Variants in EIF4E observed in about 807,000 individuals in gnomAD.
The protein encoded by EIF4E is eukaryotic translation initiation factor 4E.
For synonymous variants in EIF4E, 71 were observed against 88.5 expected (o/e 0.80, Z 1.11); for missense variants, 113 against 265.6 (o/e 0.43, Z 3.99).
At chr4:98,883,265 C>G (rs557972936) in intron 6 of EIF4E, among the ~76,000 whole-genome samples, 135 of 151,956 alleles carry the variant, frequency 8.9e-4, no homozygotes, top group African/African-American at 2.9e-3. Context: ...GAGTGTGACT[C>G]TGTCTCAAAA....
chr4:98,917,505 T>C (rs1406700809), intron 1 of EIF4E, among the ~76,000 whole-genome samples: 5 of 152,174 alleles, frequency 3.3e-5, no homozygotes, highest in African/African-American at 1.2e-4. Context: ...GTTCAGATTA[T>C]CATTTTTATG....
At chr4:98,900,374 C>G (rs1724595108) in intron 2 of EIF4E, among the ~76,000 whole-genome samples, 1 of 151,932 alleles carries the variant, frequency 6.6e-6, no homozygotes, top group Admixed American at 6.6e-5. Context: ...ATATACTGAA[C>G]CAAAGGGTCT....
chr4:98,912,181 G>C (rs1355157732), intron 1 of EIF4E, among the ~76,000 whole-genome samples: 1 of 150,312 alleles, frequency 6.7e-6, no homozygotes, highest in Non-Finnish European at 1.5e-5. Flanking sequence ...GAACCCGGGA[G>C]AGGGAAACTG....
chr4:98,895,502 G>A (rs1172567674), intron 2 of EIF4E: 1 of 152,138 alleles, frequency 6.6e-6, no homozygotes, highest in Non-Finnish European at 1.5e-5. Flanking sequence ...AATGTTGTCT[G>A]AAGAGCCTTC....
intron 1 of EIF4E, among the ~76,000 whole-genome samples, chr4:98,910,599 C>T (rs1405276547): frequency 6.6e-6 from 1 of 152,088 alleles, no homozygotes; most frequent in African/African-American, 2.4e-5. Context: ...GTTTGTTGGG[C>T]TATAGCTAAA....
In EIF4E at chr4:98,920,460, A is replaced by G. The variant is rs543159165; in HGVS notation, c.18+8635T>C. ...CAGGCACCCATGAACACGCTCGGCT[A>G]ATTTTTGTATTTTTAGTAAAGATAA... On this transcript the variant is annotated intron_variant, in intron 1 of 6. Coordinates refer to ENST00000450253, the MANE Select transcript of EIF4E (RefSeq NM_001968.5). 9.2e-5 allele frequency among the ~76,000 whole-genome samples: 14 copies of G among 152,146 alleles called. No individual in the cohort carries two copies. In the East Asian group the frequency reaches 1.5e-3, roughly 17 times the overall value.
At chr4:98,915,546 T>C (rs1419475150) in intron 1 of EIF4E, among the ~76,000 whole-genome samples, 2 of 137,452 alleles carry the variant, frequency 1.5e-5, no homozygotes, top group Admixed American at 1.4e-4. Context: ...TGTAAATTAC[T>C]TTTTTTTTTT....
At chr4:98,886,437 G>A (rs1723923730) in intron 5 of EIF4E, 1 of 441,044 alleles carries the variant, frequency 2.3e-6, no homozygotes, top group African/African-American at 2.0e-5. Flanking sequence ...TAGTGGGACA[G>A]GCACAGTGAC....
At chr4:98,912,876 T>C (rs964341364) in intron 1 of EIF4E, among the ~76,000 whole-genome samples, 3 of 152,202 alleles carry the variant, frequency 2.0e-5, no homozygotes, top group African/African-American at 4.8e-5. Flanking sequence ...AATCTTTACA[T>C]GTCACAGTTC....
At chr4:98,900,754 A>T (rs554820971) in intron 2 of EIF4E, among the ~76,000 whole-genome samples, 1 of 152,362 alleles carries the variant, frequency 6.6e-6, no homozygotes, top group African/African-American at 2.4e-5. Context: ...CCTACTGGAA[A>T]GGAGTGGGAA....
At chr4:98,898,643 T>G (rs764706989) in intron 2 of EIF4E, among the ~76,000 whole-genome samples, 1 of 152,150 alleles carries the variant, frequency 6.6e-6, no homozygotes, top group Non-Finnish European at 1.5e-5. Flanking sequence ...AATAATTATT[T>G]TCATTACAAA....
intron 1 of EIF4E, among the ~76,000 whole-genome samples, chr4:98,915,305 T>C (rs563496565): frequency 6.6e-6 from 1 of 150,994 alleles, no homozygotes; most frequent in African/African-American, 2.4e-5. Flanking sequence ...AAGAAGGATA[T>C]GGTTAAAAAA....
At chr4:98,914,073 A>AC (rs987205246) in intron 1 of EIF4E, among the ~76,000 whole-genome samples, 1 of 151,854 alleles carries the variant, frequency 6.6e-6, no homozygotes, top group Non-Finnish European at 1.5e-5. Flanking sequence ...TTAAAAAAAA[A>AC]AAAAGGCCAG....
chr4:98,926,061 G>C (rs1725851594), intron 1 of EIF4E: 1 of 150,188 alleles, frequency 6.7e-6, no homozygotes, highest in Admixed American at 6.6e-5. Flanking sequence ...TGCTACACCA[G>C]AGGCTGAGAT....
intron 1 of EIF4E, among the ~76,000 whole-genome samples, chr4:98,915,569 C>T (rs990080979): frequency 6.9e-6 from 1 of 145,552 alleles, no homozygotes; most frequent in African/African-American, 2.8e-5. Flanking sequence ...GAGACAGAGT[C>T]TTGCTCTGTC....
chr4:98,926,072 G>C (rs1725852132), intron 1 of EIF4E: 1 of 151,416 alleles, frequency 6.6e-6, no homozygotes, highest in Admixed American at 6.6e-5. Context: ...AGGCTGAGAT[G>C]GAAGCATCTC....
intron 3 of EIF4E, 200 bp downstream of exon 3, chr4:98,891,037 G>T (rs1235218728): frequency 1.6e-6 from 1 of 624,404 alleles, no homozygotes; most frequent in Non-Finnish European, 2.8e-6. Context: ...ACAATAATTG[G>T]GGCTGGGGGA....
chr4:98,905,263 A>AC (rs1226921878), intron 1 of EIF4E, among the ~76,000 whole-genome samples: 2 of 151,944 alleles, frequency 1.3e-5, no homozygotes, highest in Non-Finnish European at 2.9e-5. Flanking sequence ...AAATTAAATG[A>AC]CCAGTATTTC....
intron 2 of EIF4E, among the ~76,000 whole-genome samples, chr4:98,895,961 G>C (rs1333069551): frequency 8.3e-6 from 1 of 120,562 alleles, no homozygotes; most frequent in East Asian, 1.9e-4. Context: ...ACTTTGGGAG[G>C]CCAAGGTGGG....
Sources: allele counts gnomAD v4.1 joint callset (sites outside exome capture counted in the v4.1 genomes callset), GRCh38; gene constraint gnomAD v4.1.1; transcripts MANE v1.5; gene names NCBI Gene and HGNC (gene_info 2026-07-23, HGNC 2026-07-21).